The following EMG1 variants were observed in gnomAD, a reference collection of about 807,000 sequenced individuals.
The protein encoded by EMG1 is ribosomal RNA small subunit methyltransferase NEP1.
In EMG1, 24 loss-of-function variants were observed where a neutral mutation model predicts 26.9. That is an observed-to-expected ratio of 0.89 (90% confidence interval 0.65 to 1.26). The LOEUF is 1.26. Among genes scored for constraint, EMG1 ranks in the 50% most tolerant of loss-of-function variants. The probability of loss-of-function intolerance (pLI) is 0.00; values close to 1 mark genes in which losing one functional copy is unlikely to be tolerated. For missense variants in EMG1, 299 were observed against 307.6 expected, an observed-to-expected ratio of 0.97 and a Z score of 0.21; for synonymous variants, 140 against 112.6, an observed-to-expected ratio of 1.24 and a Z score of -1.54.
At chr12:6,983,762 G>A (rs1466538066), downstream of EMG1, among the ~76,000 whole-genome samples, 1 of 152,072 alleles carries the variant, frequency 6.6e-6, no homozygotes. Flanking sequence ...TTTGATTGAG[G>A]CAATATAAAG....
At position 6,979,132 on chromosome 12, in the gene EMG1, A is replaced by C. The variant is rs1286904320; in HGVS notation, c.*3323A>C. The C allele has an allele frequency of 3.0e-5, 10 of 337,088 alleles. No homozygotes were observed. Among genetic ancestry groups the C allele is most frequent in the Non-Finnish European group, 1.1e-5 (2 of 183,220 alleles). The allele number at this position is 337,088 out of a possible 1,614,324, so 20.9% of individuals were successfully genotyped here. ...TTTCTGAATTCCCTAGAAGTGCCCA[A>C]ATGTATCAGTCAAGAGAAGAAAATA... On this transcript the variant is annotated 3_prime_UTR_variant, in exon 6 of 6. Coordinates refer to ENST00000599672, the MANE Select transcript of EMG1 (RefSeq NM_006331.8).
rs1232720535 is a variant in EMG1 at position 6,975,314 on chromosome 12, T to G, written c.557T>G (p.Val186Gly). 1.2e-6 allele frequency: 2 copies of G among 1,610,498 alleles called. No homozygotes were observed. The highest frequency in any genetic ancestry group is 1.7e-6 in the Non-Finnish European group (2 of 1,178,088). Residue 186 changes from valine (V) to glycine (G), a missense_variant, in exon 5 of 6, where the codon GTG (valine) becomes GGG (glycine). By Grantham distance (109) the Val-to-Gly change is moderately radical. Transcript: ENST00000599672. ...TTTTCCATCCCGGTTGTCAGTGATG[T>G]GCGTGAGCTGGTGCCCAGCAGTGAT... ...TSFSIPVVSDVRELVPSSDPI... is the reference protein window; with the variant it reads ...TSFSIPVVSDGRELVPSSDPI...
Position 6,975,898 on chromosome 12 carries a change from T to A in EMG1, c.*89T>A. On this transcript the variant is annotated 3_prime_UTR_variant, in exon 6 of 6. Coordinates refer to ENST00000599672, the MANE Select transcript of EMG1 (RefSeq NM_006331.8). ...GCTGACTGCTGGAAGATGATCTTTC[T>A]GCACTGAGACTGTGGAGTTTGGGGA... The A allele has an allele frequency of 1.2e-6, 1 of 800,440 alleles. No individual in the cohort carries two copies. Among genetic ancestry groups the A allele is most frequent in the Non-Finnish European group, 2.2e-6 (1 of 459,640 alleles). The allele number at this position is 800,440 out of a possible 1,614,324, so 49.6% of individuals were successfully genotyped here. A position where few individuals can be genotyped will look rare whatever the true frequency, so the allele number is the denominator to read the frequency against.
In EMG1 at chr12:6,978,630, G is replaced by T. The variant is rs782163727; in HGVS notation, c.*2821G>T. On this transcript the variant is annotated 3_prime_UTR_variant, in exon 6 of 6. Coordinates refer to ENST00000599672, the MANE Select transcript of EMG1 (RefSeq NM_006331.8). Reference sequence around the variant, plus strand: ...TGACCAGCCAACAGGTGACATATTTGTACAGCACAAACTTGCCCCAGATCA... The same window carrying T: ...TGACCAGCCAACAGGTGACATATTTTTACAGCACAAACTTGCCCCAGATCA... 2 of 1,614,160 alleles carry T rather than the reference G, an allele frequency of 1.2e-6. No homozygotes were observed. The highest frequency in any genetic ancestry group is 1.7e-6 in the Non-Finnish European group (2 of 1,180,028).
downstream of EMG1, chr12:6,980,889 C>T (rs1299562850): frequency 7.6e-6 from 8 of 1,047,150 alleles, no homozygotes; most frequent in Admixed American, 1.6e-4. Flanking sequence ...AGTCCAGGGC[C>T]TGCATGACTC....
At chr12:6,990,111 G>A (rs922056941), downstream of EMG1, among the ~76,000 whole-genome samples, 1 of 151,588 alleles carries the variant, frequency 6.6e-6, no homozygotes, top group Admixed American at 6.6e-5. Flanking sequence ...TGGGGAGACA[G>A]AAGCTACAAT....
rs782604752 is a variant in EMG1 at position 6,970,970 on chromosome 12, G to A, written c.47G>A (p.Gly16Glu). 5.0e-6 allele frequency: 8 copies of A among 1,612,872 alleles called. No individual in the cohort carries two copies. In the African/African-American group the frequency reaches 1.1e-4, roughly 22 times the overall value. Residue 16 changes from glycine (G) to glutamate (E), a missense_variant, in exon 1 of 6, where the codon GGG (glycine) becomes GAG (glutamate). Transcript: ENST00000599672. Reference protein sequence around the residue: ...DGFKPRERSGGEQAQDWDALP... With the variant: ...DGFKPRERSGEEQAQDWDALP... ...TTCAAGCCTCGTGAACGAAGCGGTG[G>A]GGAGCAGGCACAGGACTGGGATGCT...
At chr12:6,974,730 C>T (rs1555152841) in intron 3 of EMG1, 37 bp downstream of exon 3, 4 of 1,610,678 alleles carry the variant, frequency 2.5e-6, no homozygotes, top group Admixed American at 1.7e-5. Flanking sequence ...ATGAACTTGT[C>T]AGTAGGGAAG....
At chr12:6,973,793 C>T (rs141846218) in intron 1 of EMG1, among the ~76,000 whole-genome samples, 6 of 152,144 alleles carry the variant, frequency 3.9e-5, no homozygotes, top group South Asian at 4.2e-4. Flanking sequence ...CTGCCCGCCT[C>T]GGCCTCCCAA....
chr12:6,971,438 T>C (rs191605524), intron 1 of EMG1, among the ~76,000 whole-genome samples: 5 of 151,960 alleles, frequency 3.3e-5, no homozygotes, highest in African/African-American at 7.3e-5. Flanking sequence ...CACGCCCGGC[T>C]AATTTTTTTG....
Position 6,978,931 on chromosome 12 carries a change from C to A in EMG1, c.*3122C>A. 3.9e-6 allele frequency: 2 copies of A among 510,856 alleles called. No homozygotes were observed. Among genetic ancestry groups the A allele is most frequent in the South Asian group, 2.8e-5 (1 of 35,188 alleles). The allele number at this position is 510,856 out of a possible 1,614,324, so 31.6% of individuals were successfully genotyped here. A position where few individuals can be genotyped will look rare whatever the true frequency, so the allele number is the denominator to read the frequency against. On this transcript the variant is annotated 3_prime_UTR_variant, in exon 6 of 6. Transcript: ENST00000599672. Reference sequence around the variant, plus strand: ...TCAAGGGCAGCACTGTATTTAACTTCTCTACTGTTTGCCTTCGTTGGCAAA... The same window carrying A: ...TCAAGGGCAGCACTGTATTTAACTTATCTACTGTTTGCCTTCGTTGGCAAA...
intron 7 of EMG1, among the ~76,000 whole-genome samples, chr12:6,996,609 T>C (rs970393928): frequency 6.6e-6 from 1 of 152,246 alleles, no homozygotes; most frequent in Non-Finnish European, 1.5e-5. Flanking sequence ...AAGTGCTCTG[T>C]ACTCTAGGCA....
In EMG1 at chr12:6,976,426, C is replaced by T. The variant is rs1555153197; in HGVS notation, c.*617C>T. On this transcript the variant is annotated 3_prime_UTR_variant, in exon 6 of 6. Coordinates refer to ENST00000599672, the MANE Select transcript of EMG1 (RefSeq NM_006331.8). ...GATGTGAGCCCCTCTGCTCCTCCCA[C>T]AAGAGTTTCCCCTTTGGGCCGGGCA... is the stretch of plus-strand genomic sequence containing the variant. 6.5e-6 allele frequency: 1 copy of T among 153,430 alleles called. No individual in the cohort carries two copies. The highest frequency in any genetic ancestry group is 6.5e-5 in the Admixed American group (1 of 15,370). The allele number at this position is 153,430 out of a possible 1,614,324, so 9.5% of individuals were successfully genotyped here.
At chr12:6,990,559 A>AAATG (rs782472533), downstream of EMG1, among the ~76,000 whole-genome samples, 92 of 145,772 alleles carry the variant, frequency 6.3e-4, 1 homozygote, top group Admixed American at 1.7e-3. Flanking sequence ...ATAAATAAAT[A>AAATG]AATAAATTGA....
intron 7 of EMG1, among the ~76,000 whole-genome samples, chr12:6,996,142 C>CA (rs146656674): frequency 0.044 from 6,678 of 152,284 alleles, 215 homozygotes; most frequent in Non-Finnish European, 0.065. Context: ...ACTCATCTCT[C>CA]AATCTGGCCT....
chr12:6,988,859 G>T (rs781858824), downstream of EMG1, among the ~76,000 whole-genome samples: 1 of 152,256 alleles, frequency 6.6e-6, no homozygotes, highest in South Asian at 2.1e-4. Context: ...GGGCGCCGTG[G>T]CTCACGCCTG....
rs1158980132 is a variant in EMG1 at position 6,975,992 on chromosome 12, G to A, written c.*183G>A. 3.6e-6 allele frequency: 2 copies of A among 562,630 alleles called. No individual in the cohort carries two copies. Among genetic ancestry groups the A allele is most frequent in the Non-Finnish European group, 6.3e-6 (2 of 315,528 alleles). 34.9% of individuals were successfully genotyped at this position (562,630 alleles called of 1,614,324 possible). A position where few individuals can be genotyped will look rare whatever the true frequency, so the allele number is the denominator to read the frequency against. ...GTTCTTGCAAACCTGGTTGTTTTGG[G>A]GTTCCTAAAGTATCCAGTGGTGTAA... On this transcript the variant is annotated 3_prime_UTR_variant, in exon 6 of 6. Transcript: ENST00000599672.
At chr12:6,991,257 G>A (rs1946588255), downstream of EMG1, among the ~76,000 whole-genome samples, 1 of 152,136 alleles carries the variant, frequency 6.6e-6, no homozygotes, top group African/African-American at 2.4e-5. Context: ...GAAAGTATCT[G>A]CATTTTCAGA....
At chr12:6,974,781 T>G in intron 3 of EMG1, 88 bp downstream of exon 3, 4 of 1,410,324 alleles carry the variant, frequency 2.8e-6, no homozygotes, top group Non-Finnish European at 4.0e-6. Context: ...TGTGGATTTT[T>G]AAGCGAGAAA....
Sources: gnomAD v4.1 joint callset for allele counts (sites outside exome capture counted in the v4.1 genomes callset) on GRCh38, gnomAD v4.1.1 for gene constraint, MANE v1.5 for transcripts, NCBI Gene and HGNC (gene_info 2026-07-23, HGNC 2026-07-21) for gene names.